PROCA1: variants seen among roughly 807,000 people sequenced by gnomAD.
The protein encoded by PROCA1 is protein interacting with cyclin A1.
In PROCA1, 22 loss-of-function variants were observed where a neutral mutation model predicts 23.2. The ratio of observed to expected loss-of-function variants is 0.95; its 90% CI spans 0.68 to 1.35. The LOEUF is 1.35. Among genes scored for constraint, PROCA1 ranks in the 40% most tolerant of loss-of-function variants. The pLI, the probability that PROCA1 is intolerant of heterozygous loss-of-function variation, is 0.00. For synonymous variants in PROCA1, 182 were observed against 179.2 expected, an observed-to-expected ratio of 1.02 and a Z score of -0.12; for missense variants, 469 against 459.8, an observed-to-expected ratio of 1.02 and a Z score of -0.18.
intron 1 of PROCA1, chr17:28,711,101 C>T: frequency 8.5e-7 from 1 of 1,180,144 alleles, no homozygotes; most frequent in South Asian, 1.6e-5. Context: ...TCTCTGGCCT[C>T]GCCGCCGCGG....
chr17:28,703,909 C>T lies in PROCA1; in HGVS notation c.744G>A (p.Glu248=), dbSNP rs1289357289. The change falls in exon 5 of 5, where the codon GAG becomes GAA. Residue 248 remains glutamate, a synonymous_variant. Coordinates refer to ENST00000682792, the MANE Select transcript of PROCA1 (RefSeq NM_001366301.1). ...TCTTCAGCTTTGCCTTCTCATCCAT[C>T]TCCTCCTTGTCTTTCTCTTTTTCCT... ...KKKEKEKDKE[E]MDEKAKLKKK... is the part of the protein sequence containing the mutation. 6 of 1,614,022 alleles carry T rather than the reference C, an allele frequency of 3.7e-6. No homozygotes were observed. Among genetic ancestry groups the T allele is most frequent in the African/African-American group, 1.3e-5 (1 of 75,024 alleles).
chr17:28,707,373 C>T (rs972236224), intron 1 of PROCA1: 2 of 152,724 alleles, frequency 1.3e-5, no homozygotes, highest in African/African-American at 4.8e-5. Context: ...CCTTCAGTGG[C>T]ACTTGGTCAT....
In PROCA1 at chr17:28,706,834, C is replaced by G. The variant is rs923465162; in HGVS notation, c.92-71G>C. On this transcript the variant is annotated intron_variant, in intron 1 of 4. Transcript: ENST00000682792. ...TGCCATTTATTCACCAAACATACCC[C>G]GAGAAACTCCACATGTCAGGCCCTC... 3.1e-6 allele frequency: 4 copies of G among 1,289,756 alleles called. No individual in the cohort carries two copies. In the African/African-American group the frequency reaches 4.6e-5, roughly 15 times the overall value. The allele number at this position is 1,289,756 out of a possible 1,614,324, so 79.9% of individuals were successfully genotyped here.
chr17:28,703,731 T>C lies in PROCA1; in HGVS notation c.922A>G (p.Ser308Gly). 6.2e-7 allele frequency: 1 copy of C among 1,614,156 alleles called. No homozygotes were observed. Among genetic ancestry groups the C allele is most frequent in the Non-Finnish European group, 8.5e-7 (1 of 1,180,034 alleles). The part of the protein sequence containing the change: ...ESREELESED[S>G]YNGRGQGELS... ...TCTCCCTGCCCCCGGCCATTGTAAC[T>C]GTCCTCGCTCTCCAGCTCTTCCCGG... The change falls in exon 5 of 5, where the codon AGT becomes GGT. Residue 308 changes from serine (S) to glycine (G), a missense_variant. Transcript: ENST00000682792.
intron 1 of PROCA1, among the ~76,000 whole-genome samples, chr17:28,709,619 TGA>T (rs2032686460): frequency 6.6e-6 from 1 of 151,110 alleles, no homozygotes; most frequent in Non-Finnish European, 1.5e-5. Flanking sequence ...TGCAGTGAGC[TGA>T]GAGAGCCACA....
Position 28,704,821 on chromosome 17 carries a change from C to T in PROCA1, c.198G>A (p.Lys66=), listed in dbSNP as rs772034582. The change falls in exon 3 of 5, where the codon AAG becomes AAA. Residue 66 remains lysine, a synonymous_variant. Transcript: ENST00000682792. ...TGCACTGCTTGTGTCTCCAGCAGCACTTGTCAGGCTCCTTGCAGTCACCTG... is the reference window on the plus strand; with the variant it reads ...TGCACTGCTTGTGTCTCCAGCAGCATTTGTCAGGCTCCTTGCAGTCACCTG... The part of the protein sequence containing the change: ...FSEGDCKEPD[K]CCWRHKQCTG... The T allele has an allele frequency of 6.2e-7, 1 of 1,613,000 alleles. No individual in the cohort carries two copies. Among genetic ancestry groups the T allele is most frequent in the South Asian group, 1.1e-5 (1 of 91,034 alleles).
intron 1 of PROCA1, chr17:28,711,036 G>C: frequency 8.4e-7 from 1 of 1,192,766 alleles, no homozygotes; most frequent in South Asian, 1.5e-5. Context: ...AGAGGAAGGA[G>C]GGAAGAGGAG....
chr17:28,710,844 C>A (rs1441824896), intron 1 of PROCA1: 1 of 1,304,144 alleles, frequency 7.7e-7, no homozygotes, highest in African/African-American at 1.5e-5. Flanking sequence ...CGTTAATCGG[C>A]GCACAAAGGC....
chr17:28,704,172 G>A lies in PROCA1; in HGVS notation c.481C>T (p.His161Tyr), dbSNP rs2032306128. The stretch of plus-strand genomic sequence containing the variant: ...GCCCCACACTCATGGTAGAGTGGAT[G>A]GTGGATCACTGCCACAGAGACAGGT... ...YRPVSVAVIHHPLYHECGADD... is the reference protein window; with the variant it reads ...YRPVSVAVIHYPLYHECGADD... The change falls in exon 5 of 5, where the codon CAT becomes TAT. Residue 161 changes from histidine to tyrosine, a missense_variant. Physicochemically the swap from His to Tyr is moderately conservative, Grantham distance 83. Transcript: ENST00000682792. 5 of 1,542,394 alleles carry A rather than the reference G, an allele frequency of 3.2e-6. No individual in the cohort carries two copies. The highest frequency in any genetic ancestry group is 4.3e-6 in the Non-Finnish European group (5 of 1,149,744).
At chr17:28,710,897 T>G (rs2032747439) in intron 1 of PROCA1, 2 of 1,296,380 alleles carry the variant, frequency 1.5e-6, no homozygotes, top group Non-Finnish European at 2.0e-6. Context: ...TACAGAATCC[T>G]CCCCGTCCTG....
chr17:28,703,927 T>G lies in PROCA1; in HGVS notation c.726A>C (p.Lys242Asn), dbSNP rs151196634. 1 of 1,613,460 alleles carries G rather than the reference T, an allele frequency of 6.2e-7. No homozygotes were observed. The highest frequency in any genetic ancestry group is 1.3e-5 in the African/African-American group (1 of 74,900). The change falls in exon 5 of 5, where the codon AAA becomes AAC. Residue 242 changes from lysine to asparagine, a missense_variant. By Grantham distance (94) the Lys-to-Asn change is moderately conservative. Transcript: ENST00000682792. ...CATCCATCTCCTCCTTGTCTTTCTC[T>G]TTTTCCTTTTTCTTCTTTACCTTCT... ...VIKKVKKKKE[K>N]EKDKEEMDEK...
In PROCA1 at chr17:28,711,722, A is replaced by G; in HGVS notation, c.-62T>C. The stretch of plus-strand genomic sequence containing the variant: ...TGCGTGAAGTCCAACCCTGAGCCTC[A>G]GCCCGGCCGAGCCCTCGGCCCAGCC... On this transcript the variant is annotated 5_prime_UTR_variant, in exon 1 of 5. Transcript: ENST00000682792. The G allele has an allele frequency of 7.0e-7, 1 of 1,436,774 alleles. No homozygotes were observed. The highest frequency in any genetic ancestry group is 9.5e-7 in the Non-Finnish European group (1 of 1,054,124). 89.0% of individuals were successfully genotyped at this position (1,436,774 alleles called of 1,614,324 possible). A position where few individuals can be genotyped will look rare whatever the true frequency, so the allele number is the denominator to read the frequency against.
chr17:28,704,807 T>C lies in PROCA1; in HGVS notation c.212A>G (p.His71Arg). The C allele has an allele frequency of 1.2e-6, 2 of 1,613,464 alleles. No homozygotes were observed. Among genetic ancestry groups the C allele is most frequent in the Non-Finnish European group, 8.5e-7 (1 of 1,179,946 alleles). Residue 71 changes from histidine to arginine, a missense_variant, in exon 3 of 5, where the codon CAC (histidine) becomes CGC (arginine). Coordinates refer to ENST00000682792, the MANE Select transcript of PROCA1 (RefSeq NM_001366301.1). Reference sequence around the variant, plus strand: ...GATGATGTGCCCAGTGCACTGCTTGTGTCTCCAGCAGCACTTGTCAGGCTC... The same window carrying C: ...GATGATGTGCCCAGTGCACTGCTTGCGTCTCCAGCAGCACTTGTCAGGCTC... ...CKEPDKCCWR[H>R]KQCTGHIIYP...
In PROCA1 at chr17:28,703,803, A is replaced by G. The variant is rs1325173453; in HGVS notation, c.850T>C (p.Leu284=). 2 of 1,614,050 alleles carry G rather than the reference A, an allele frequency of 1.2e-6. No individual in the cohort carries two copies. The highest frequency in any genetic ancestry group is 1.3e-5 in the African/African-American group (1 of 74,910). The part of the protein sequence containing the change: ...EPSPPDVSRS[L]SARQLARMSE... ...ATCCTGGCCAGCTGTCTTGCGCTTA[A>G]TGATCGGCTCACGTCTGGCGGGGAA... The change falls in exon 5 of 5, where the codon TTA becomes CTA. Residue 284 remains leucine, a synonymous_variant. Coordinates refer to ENST00000682792, the MANE Select transcript of PROCA1 (RefSeq NM_001366301.1).
At position 28,704,382 on chromosome 17, in the gene PROCA1, C is replaced by T; in HGVS notation, c.365G>A (p.Cys122Tyr). ...SSSSRGAGPTCSHVIESPCFE... is the reference protein window; with the variant it reads ...SSSSRGAGPTYSHVIESPCFE... ...GCAAGGGGACTCGATGACATGGGAG[C>T]AGGTTGGGCCCGCGCCCCGGGAGCT... Residue 122 changes from cysteine (C) to tyrosine (Y), a missense_variant, in exon 4 of 5, where the codon TGC becomes TAC. Coordinates refer to ENST00000682792, the MANE Select transcript of PROCA1 (RefSeq NM_001366301.1). The T allele has an allele frequency of 6.2e-7, 1 of 1,614,098 alleles. No individual in the cohort carries two copies. Among genetic ancestry groups the T allele is most frequent in the South Asian group, 1.1e-5 (1 of 91,072 alleles).
intron 1 of PROCA1, among the ~76,000 whole-genome samples, chr17:28,710,613 G>A (rs986054152): frequency 5.3e-5 from 8 of 151,950 alleles, no homozygotes; most frequent in African/African-American, 1.7e-4. Flanking sequence ...TGTTTGTGAA[G>A]GAGACGAGGG....
chr17:28,709,772 G>A (rs1411675007), intron 1 of PROCA1, among the ~76,000 whole-genome samples: 1 of 151,820 alleles, frequency 6.6e-6, no homozygotes, highest in African/African-American at 2.4e-5. Flanking sequence ...CGAGGTGGGC[G>A]GATCACTTGA....
chr17:28,711,043 G>C, intron 1 of PROCA1: 2 of 1,150,830 alleles, frequency 1.7e-6, no homozygotes, highest in Non-Finnish European at 1.1e-6. Flanking sequence ...GGAGGGAAGA[G>C]GAGGAAGCAA....
At chr17:28,709,315 G>A (rs1261587689) in intron 1 of PROCA1, among the ~76,000 whole-genome samples, 4 of 151,956 alleles carry the variant, frequency 2.6e-5, no homozygotes, top group African/African-American at 9.7e-5. Context: ...GAGTGCAGTG[G>A]CGGGATCTTG....
Sources: allele counts gnomAD v4.1 joint callset (sites outside exome capture counted in the v4.1 genomes callset), GRCh38; gene constraint gnomAD v4.1.1; transcripts MANE v1.5; gene names NCBI Gene and HGNC (gene_info 2026-07-23, HGNC 2026-07-21).